The following SCRN1 variants were observed in gnomAD, a reference collection of about 807,000 sequenced individuals.
The protein encoded by SCRN1 is secernin 1.
Under a neutral mutation model 43.3 loss-of-function variants are expected in SCRN1, and 19 were observed. The observed-to-expected ratio is 0.44, with a 90% CI of 0.31 to 0.64. The LOEUF (loss-of-function observed/expected upper bound fraction) is 0.64. SCRN1 is among the 30% of genes least tolerant of loss of function. The probability of loss-of-function intolerance (pLI) is 0.09; values close to 1 mark genes in which losing one functional copy is unlikely to be tolerated. For synonymous variants in SCRN1, 183 were observed against 188.9 expected (o/e 0.97, Z 0.26); for missense variants, 447 against 524.1 (o/e 0.85, Z 1.44).
intron 2 of SCRN1, among the ~76,000 whole-genome samples, chr7:29,966,268 G>A (rs1350741972): frequency 8.0e-5 from 12 of 150,176 alleles, no homozygotes; most frequent in Non-Finnish European, 1.6e-4. Flanking sequence ...ATGCTCCACC[G>A]GTCAGAGCAA....
chr7:29,980,940 G>T (rs1788975476), intron 1 of SCRN1, among the ~76,000 whole-genome samples: 4 of 152,144 alleles, frequency 2.6e-5, no homozygotes, highest in Admixed American at 2.6e-4. Flanking sequence ...GATTTTAAAA[G>T]ACCTAGAAGG....
At chr7:29,969,900 G>A (rs1244987274) in intron 1 of SCRN1, 5 of 456,278 alleles carry the variant, frequency 1.1e-5, no homozygotes, top group Non-Finnish European at 2.2e-5. Flanking sequence ...GGTAGCCAAG[G>A]TAACCATCCT....
chr7:29,940,804 C>G lies in SCRN1; in HGVS notation c.617G>C (p.Ser206Thr). 1 of 1,606,320 alleles carries G rather than the reference C, an allele frequency of 6.2e-7. No homozygotes were observed. Among genetic ancestry groups the G allele is most frequent in the Non-Finnish European group, 8.5e-7 (1 of 1,178,078 alleles). The part of the protein sequence containing the change: ...KMDAEHPELR[S>T]YAQSQGWWTG... Reference sequence around the variant, plus strand: ...CCACCAACCTTGGCTCTGAGCGTAACTCCTGAGTTCCGGATGCTCTGCATC... The same window carrying G: ...CCACCAACCTTGGCTCTGAGCGTAAGTCCTGAGTTCCGGATGCTCTGCATC... Residue 206 changes from serine to threonine, a missense_variant, in exon 5 of 8, where the codon AGT becomes ACT. By Grantham distance (58) the Ser-to-Thr change is moderately conservative. Transcript: ENST00000242059.
chr7:29,936,300 A>G (rs1787323533), intron 6 of SCRN1, among the ~76,000 whole-genome samples: 1 of 152,214 alleles, frequency 6.6e-6, no homozygotes, highest in Non-Finnish European at 1.5e-5. Context: ...TAAGGACCAC[A>G]ATTACTTTCG....
At chr7:29,928,135 A>G (rs1438993477) in intron 6 of SCRN1, among the ~76,000 whole-genome samples, 1 of 152,066 alleles carries the variant, frequency 6.6e-6, no homozygotes, top group African/African-American at 2.4e-5. Context: ...AAACAAACAA[A>G]CAGACAAAGA....
intron 5 of SCRN1, among the ~76,000 whole-genome samples, chr7:29,937,280 A>G (rs889687856): frequency 6.6e-5 from 10 of 152,232 alleles, no homozygotes; most frequent in Admixed American, 5.9e-4. Context: ...GCAATTCCTC[A>G]TCACATCTAT....
At chr7:29,970,824 C>T (rs749683204) in intron 1 of SCRN1, among the ~76,000 whole-genome samples, 2 of 152,210 alleles carry the variant, frequency 1.3e-5, no homozygotes, top group Non-Finnish European at 2.9e-5. Flanking sequence ...TGATTCAAAA[C>T]CCTTTCTTTC....
chr7:29,955,093 A>C lies in SCRN1; in HGVS notation c.341+86T>G. Reference sequence around the variant, plus strand: ...ATCATCTTTGGAAGGATTATGTTAAAAAATGCAAGGTTTAGGGAGAAATAA... The same window carrying C: ...ATCATCTTTGGAAGGATTATGTTAACAAATGCAAGGTTTAGGGAGAAATAA... On this transcript the variant is annotated intron_variant, in intron 3 of 7. Transcript: ENST00000242059. 3 of 1,223,154 alleles carry C rather than the reference A, an allele frequency of 2.5e-6. No homozygotes were observed. The East Asian group carries it at 7.1e-5, about 29-fold the overall frequency. The allele number at this position is 1,223,154 out of a possible 1,614,324, so 75.8% of individuals were successfully genotyped here. A position where few individuals can be genotyped will look rare whatever the true frequency, so the allele number is the denominator to read the frequency against.
At chr7:29,975,843 T>A (rs1342857872) in intron 1 of SCRN1, among the ~76,000 whole-genome samples, 1 of 152,256 alleles carries the variant, frequency 6.6e-6, no homozygotes, top group Non-Finnish European at 1.5e-5. Context: ...TGACAAGCAT[T>A]TCCTAAGAAG....
chr7:29,940,770 C>G lies in SCRN1; in HGVS notation c.651G>C (p.Glu217Asp), dbSNP rs375023545. The G allele has an allele frequency of 2.5e-5, 40 of 1,610,224 alleles. No individual in the cohort carries two copies. In the African/African-American group the frequency reaches 4.8e-4, roughly 19 times the overall value. The part of the protein sequence containing the change: ...YAQSQGWWTG[E>D]GEFNFSEVFS... ...AGACTTCGGAAAAATTGAACTCGCCCTCTCCCGTCCACCAACCTTGGCTCT... is the reference window on the plus strand; with the variant it reads ...AGACTTCGGAAAAATTGAACTCGCCGTCTCCCGTCCACCAACCTTGGCTCT... The change falls in exon 5 of 8, where the codon GAG becomes GAC. Residue 217 changes from glutamate (E) to aspartate (D), a missense_variant. By Grantham distance (45) the Glu-to-Asp change is conservative. Transcript: ENST00000242059.
At chr7:29,969,154 A>G (rs1475070561) in intron 1 of SCRN1, 86 bp from the exon 2 acceptor site, 48 of 1,492,042 alleles carry the variant, frequency 3.2e-5, no homozygotes, top group Non-Finnish European at 4.4e-5. Context: ...TTCACCAGCT[A>G]AAAGGGTTTT....
chr7:29,925,568 C>T lies in SCRN1; in HGVS notation c.1086+884G>A, dbSNP rs562441828. On this transcript the variant is annotated intron_variant, in intron 7 of 7. Coordinates refer to ENST00000242059, the MANE Select transcript of SCRN1 (RefSeq NM_014766.5). ...AGGCTTGAATTTATATAAAGTCCAT[C>T]GGGGTGGCTGCTGTGGACACACTGG... Among the ~76,000 whole-genome samples, 8 of 152,288 alleles carry T rather than the reference C, an allele frequency of 5.3e-5. No individual in the cohort carries two copies. The East Asian group carries it at 7.7e-4, about 15-fold the overall frequency.
chr7:29,955,581 G>A (rs1054330681), intron 2 of SCRN1, among the ~76,000 whole-genome samples: 6 of 152,208 alleles, frequency 3.9e-5, no homozygotes, highest in Non-Finnish European at 7.3e-5. Flanking sequence ...TGGTGCTCAC[G>A]TAATAGGGCA....
chr7:29,989,598 G>A (rs1012714257), intron 1 of SCRN1, 44 bp downstream of exon 1: 2 of 985,664 alleles, frequency 2.0e-6, no homozygotes, highest in Admixed American at 6.1e-5. Context: ...AAACCGCCGG[G>A]AAAGCAGCGC....
At chr7:29,969,241 A>G in intron 1 of SCRN1, 173 bp from the exon 2 acceptor site, 1 of 642,348 alleles carries the variant, frequency 1.6e-6, no homozygotes, top group Non-Finnish European at 2.6e-6. Flanking sequence ...CAGTGGAATG[A>G]CAGAGCCACC....
chr7:29,971,052 T>A (rs954631078), intron 1 of SCRN1, among the ~76,000 whole-genome samples: 1 of 152,224 alleles, frequency 6.6e-6, no homozygotes, highest in African/African-American at 2.4e-5. Flanking sequence ...GTGTACCAAC[T>A]ATTGTATTTG....
chr7:29,927,348 A>ACC (rs71557443), intron 6 of SCRN1, among the ~76,000 whole-genome samples: 2 of 105,316 alleles, frequency 1.9e-5, no homozygotes, highest in Non-Finnish European at 1.9e-5. Flanking sequence ...AGGATACATC[A>ACC]CCCCCCCACC....
chr7:29,978,524 C>G (rs943302147), intron 1 of SCRN1, among the ~76,000 whole-genome samples: 1 of 152,126 alleles, frequency 6.6e-6, no homozygotes, highest in Non-Finnish European at 1.5e-5. Context: ...TGTATAGGTA[C>G]AAGAGAATGA....
chr7:29,985,351 G>A (rs1261222585), intron 1 of SCRN1, among the ~76,000 whole-genome samples: 1 of 144,236 alleles, frequency 6.9e-6, no homozygotes, highest in Non-Finnish European at 1.5e-5. Flanking sequence ...AGGTTGCAGT[G>A]AGCTGAGATC....
Sources: allele counts gnomAD v4.1 joint callset (sites outside exome capture counted in the v4.1 genomes callset), GRCh38; gene constraint gnomAD v4.1.1; transcripts MANE v1.5; gene names NCBI Gene and HGNC (gene_info 2026-07-23, HGNC 2026-07-21).